Variants in CFAP100 observed in about 807,000 individuals in gnomAD.
CFAP100 encodes cilia- and flagella-associated protein 100.
CFAP100 carries 70 observed loss-of-function variants against 81.5 expected under a neutral mutation model. The observed-to-expected ratio is 0.86, with a 90% CI of 0.71 to 1.05. CFAP100 has a LOEUF of 1.05. Among genes scored for constraint, CFAP100 ranks in the 50% least tolerant of loss-of-function variants. The pLI, the probability that CFAP100 is intolerant of heterozygous loss-of-function variation, is 0.00. For synonymous variants in CFAP100, 341 were observed against 314.8 expected (o/e 1.08, Z -0.88); for missense variants, 811 against 776.5 (o/e 1.04, Z -0.53).
rs746732158 is a variant in CFAP100, at chr3:126,417,514, G to A, written c.419-944G>A. ...GCCCTGAGCTTGTGGGGGCGTTTAG[G>A]CCCCACAGTTGGAGAGGCAGGCAGG... On this transcript the variant is annotated intron_variant, in intron 5 of 16. Coordinates refer to ENST00000352312, the MANE Select transcript of CFAP100 (RefSeq NM_182628.3). 2.1e-4 allele frequency among the ~76,000 whole-genome samples: 32 copies of A among 152,186 alleles called. 1 individual carries two copies. Among genetic ancestry groups the A allele is most frequent in the Non-Finnish European group, 4.4e-5 (3 of 68,028 alleles).
In CFAP100 at chr3:126,395,198, G is replaced by A. The variant is rs187715298; in HGVS notation, c.-60+220G>A. Reference sequence around the variant, plus strand: ...CTACCATCCCTGTGCACCTCGCTGTGTGGCTCGGGGCCTTGCAGAGCGCGG... The same window carrying A: ...CTACCATCCCTGTGCACCTCGCTGTATGGCTCGGGGCCTTGCAGAGCGCGG... On this transcript the variant is annotated intron_variant, in intron 1 of 16. Coordinates refer to ENST00000352312, the MANE Select transcript of CFAP100 (RefSeq NM_182628.3). 1.8e-3 allele frequency: 276 copies of A among 152,412 alleles called. 1 individual carries two copies. The highest frequency in any genetic ancestry group is 2.8e-3 in the Non-Finnish European group (191 of 68,122). The allele number at this position is 152,412 out of a possible 1,614,324, so 9.4% of individuals were successfully genotyped here. A position where few individuals can be genotyped will look rare whatever the true frequency, so the allele number is the denominator to read the frequency against.
At position 126,416,214 on chromosome 3, in the gene CFAP100, C is replaced by T. The variant is rs987410657; in HGVS notation, c.226-102C>T. The T allele has an allele frequency of 1.1e-5, 11 of 1,039,764 alleles. No individual in the cohort carries two copies. In the Admixed American group the frequency reaches 2.5e-4, roughly 23 times the overall value. The allele number at this position is 1,039,764 out of a possible 1,614,324, so 64.4% of individuals were successfully genotyped here. On this transcript the variant is annotated intron_variant, in intron 4 of 16. Transcript: ENST00000352312. Reference sequence around the variant, plus strand: ...ACAGCAGTGTTCAGGTCCCCGCGTCCTCGCGCGCAAACCCGCGTCCCTAGG... The same window carrying T: ...ACAGCAGTGTTCAGGTCCCCGCGTCTTCGCGCGCAAACCCGCGTCCCTAGG...
rs184383726 is a variant in CFAP100, at chr3:126,427,162, T to C, written c.1286+3518T>C. 3.7e-4 allele frequency among the ~76,000 whole-genome samples: 56 copies of C among 152,316 alleles called. 1 individual carries two copies. In the East Asian group the frequency reaches 0.011, roughly 29 times the overall value. ...TTACTGACAAACTGATTCTGGAGTT[T>C]ATATGAAGAGTCAAAATACCCAGAA... On this transcript the variant is annotated intron_variant, in intron 13 of 16. Transcript: ENST00000352312.
At chr3:126,409,974 G>A (rs1289390590) in intron 3 of CFAP100, among the ~76,000 whole-genome samples, 1 of 152,212 alleles carries the variant, frequency 6.6e-6, no homozygotes, top group African/African-American at 2.4e-5. Flanking sequence ...GCCGAGGCGG[G>A]TGGATTACCT....
intron 2 of CFAP100, among the ~76,000 whole-genome samples, chr3:126,397,320 C>A (rs1311012536): frequency 3.9e-5 from 6 of 152,200 alleles, no homozygotes; most frequent in Non-Finnish European, 8.8e-5. Flanking sequence ...CCCACCATTA[C>A]ACTTAGGTGT....
chr3:126,433,021 A>G, intron 13 of CFAP100, 48 bp from the exon 14 acceptor site: 1 of 1,608,896 alleles, frequency 6.2e-7, no homozygotes, highest in Non-Finnish European at 8.5e-7. Flanking sequence ...CGATGTGCCC[A>G]GGGCTGTGCT....
intron 2 of CFAP100, among the ~76,000 whole-genome samples, chr3:126,401,397 TTATATATATATATATA>T (rs58055481): frequency 0.031 from 2,353 of 76,222 alleles, 71 homozygotes; most frequent in Middle Eastern, 0.098. Context: ...AAATCGTATT[TTATATATATATATATA>T]TATATATATA....
intron 13 of CFAP100, among the ~76,000 whole-genome samples, chr3:126,424,028 G>A (rs6791445): frequency 0.32 from 48,345 of 152,222 alleles, 7,703 homozygotes; most frequent in East Asian, 0.36. Context: ...CACAGGCACC[G>A]AAAGCAGTCA....
chr3:126,428,114 C>T (rs1933030458), intron 13 of CFAP100, among the ~76,000 whole-genome samples: 1 of 152,190 alleles, frequency 6.6e-6, no homozygotes, highest in South Asian at 2.1e-4. Flanking sequence ...GGCAGGGACA[C>T]AGATCCAAAC....
chr3:126,426,297 T>A (rs1932936786), intron 13 of CFAP100, among the ~76,000 whole-genome samples: 1 of 151,650 alleles, frequency 6.6e-6, no homozygotes, highest in Admixed American at 6.6e-5. Flanking sequence ...ACCATATTGC[T>A]AGAAAAAATA....
At chr3:126,434,694 A>C in intron 15 of CFAP100, 1 of 310,316 alleles carries the variant, frequency 3.2e-6, no homozygotes, top group Non-Finnish European at 6.1e-6. Context: ...CCTCAAATAC[A>C]TGGAACAGCA....
At chr3:126,398,307 G>A (rs563797745) in intron 2 of CFAP100, among the ~76,000 whole-genome samples, 59 of 152,328 alleles carry the variant, frequency 3.9e-4, no homozygotes, top group African/African-American at 1.3e-3. Context: ...TCAGGAGAGG[G>A]CCTGCGGCTG....
At chr3:126,429,107 CAAA>C (rs57773311) in intron 13 of CFAP100, among the ~76,000 whole-genome samples, 11,338 of 92,852 alleles carry the variant, frequency 0.12, 233 homozygotes, top group African/African-American at 0.15. Context: ...CGTCTCCATC[CAAA>C]AAAAAAAAAA....
intron 15 of CFAP100, among the ~76,000 whole-genome samples, chr3:126,434,750 G>A (rs1479534890): frequency 6.6e-6 from 1 of 152,162 alleles, no homozygotes; most frequent in East Asian, 1.9e-4. Flanking sequence ...GGTAGGGTGT[G>A]GTTAGATTCT....
intron 4 of CFAP100, among the ~76,000 whole-genome samples, chr3:126,415,169 A>G (rs1370891027): frequency 6.6e-6 from 1 of 151,886 alleles, no homozygotes; most frequent in Non-Finnish European, 1.5e-5. Flanking sequence ...CCTTCCACTA[A>G]GAGTCTCACC....
rs748542005 is a variant in CFAP100, at chr3:126,416,369, G to T, written c.279G>T (p.Ser93=). ...MRVHQKMTYS[S]KVSAKHTSLR... ...TGCACCAGAAGATGACCTACTCCTCGAAAGTGTCGGCTAAGCACACCAGCC... is the reference window on the plus strand; with the variant it reads ...TGCACCAGAAGATGACCTACTCCTCTAAAGTGTCGGCTAAGCACACCAGCC... The change falls in exon 5 of 17, where the codon TCG becomes TCT. Residue 93 remains serine, a synonymous_variant. Transcript: ENST00000352312. 8.1e-6 allele frequency: 13 copies of T among 1,611,138 alleles called. 1 individual carries two copies. The South Asian group carries it at 1.3e-4, about 16-fold the overall frequency.
rs1320553881 is a variant in CFAP100 at position 126,418,774 on chromosome 3, C to T, written c.650C>T (p.Ala217Val). Residue 217 changes from alanine (A) to valine (V), a missense_variant and splice_region_variant, in exon 7 of 17, where the codon GCG (alanine) becomes GTG (valine). Ala to Val is a moderately conservative substitution (Grantham distance 64). Transcript: ENST00000352312. The part of the protein sequence containing the change: ...NDCSSVQAMR[A>V]AEKETKAKIE... ...TGCAGCTCCGTGCAGGCCATGAGAG[C>T]GTGAGCCTGCGGGCCCGAGGGGCTG... 3 of 1,584,156 alleles carry T rather than the reference C, an allele frequency of 1.9e-6. No homozygotes were observed. Among genetic ancestry groups the T allele is most frequent in the African/African-American group, 1.3e-5 (1 of 74,076 alleles).
At position 126,419,670 on chromosome 3, in the gene CFAP100, T is replaced by C. The variant is rs1437868186; in HGVS notation, c.765T>C (p.His255=). Residue 255 remains histidine (H), a synonymous_variant, in exon 9 of 17, where the codon CAT becomes CAC. Transcript: ENST00000352312. ...EISRFEDTLK[H]YKVYKDFLYK... ...CCAGATTTGAAGACACTCTGAAGCA[T>C]TACAAGGTCTATAAGGATTTCCTAT... is the stretch of plus-strand genomic sequence containing the variant. 1.2e-6 allele frequency: 2 copies of C among 1,613,854 alleles called. No individual in the cohort carries two copies. Among genetic ancestry groups the C allele is most frequent in the Non-Finnish European group, 8.5e-7 (1 of 1,180,030 alleles).
intron 11 of CFAP100, among the ~76,000 whole-genome samples, chr3:126,421,419 T>C (rs2107609851): frequency 6.6e-6 from 1 of 152,356 alleles, no homozygotes; most frequent in Non-Finnish European, 1.5e-5. Context: ...GCTTAAGAAA[T>C]ATTTGCCAAC....
Sources: allele counts gnomAD v4.1 joint callset (sites outside exome capture counted in the v4.1 genomes callset), GRCh38; gene constraint gnomAD v4.1.1; transcripts MANE v1.5; gene names NCBI Gene and HGNC (gene_info 2026-07-23, HGNC 2026-07-21).